FARS2: variants seen among roughly 807,000 people sequenced by gnomAD.
FARS2 encodes the protein phenylalanine--tRNA ligase, mitochondrial.
FARS2 carries 40 observed loss-of-function variants against 46.4 expected under a neutral mutation model. The observed-to-expected ratio is 0.86, with a 90% CI of 0.67 to 1.12. FARS2 has a LOEUF of 1.12. Among genes scored for constraint, FARS2 ranks in the 50% most tolerant of loss-of-function variants. The pLI is 0.00. For synonymous variants in FARS2, 234 were observed against 214.9 expected, an observed-to-expected ratio of 1.09 and a Z score of -0.78; for missense variants, 513 against 567.9, an observed-to-expected ratio of 0.90 and a Z score of 0.98.
intron 1 of FARS2, among the ~76,000 whole-genome samples, chr6:5,279,002 C>T (rs1054892074): frequency 1.3e-5 from 2 of 152,246 alleles, no homozygotes; most frequent in East Asian, 3.9e-4. Context: ...ATGTGTCTTG[C>T]AGATGCTTTG....
intron 2 of FARS2, among the ~76,000 whole-genome samples, chr6:5,384,487 A>G (rs1179078244): frequency 6.6e-6 from 1 of 152,258 alleles, no homozygotes; most frequent in African/African-American, 2.4e-5. Context: ...ATGGGATGGA[A>G]TCTGCTGCCC....
At chr6:5,583,728 A>G (rs1412431030) in intron 5 of FARS2, among the ~76,000 whole-genome samples, 2 of 152,206 alleles carry the variant, frequency 1.3e-5, no homozygotes, top group Non-Finnish European at 2.9e-5. Flanking sequence ...TAACAGGCCT[A>G]AGGCCACAGG....
upstream of FARS2, among the ~76,000 whole-genome samples, chr6:5,259,269 C>A (rs1214410608): frequency 6.6e-6 from 1 of 152,170 alleles, no homozygotes; most frequent in Non-Finnish European, 1.5e-5. Flanking sequence ...ATTTATTTAA[C>A]TTGCATATTT....
At chr6:5,523,476 G>A (rs1328126290) in intron 4 of FARS2, among the ~76,000 whole-genome samples, 2 of 149,798 alleles carry the variant, frequency 1.3e-5, no homozygotes, top group Non-Finnish European at 3.0e-5. Context: ...TTCCCCATTA[G>A]TGACTTTGGA....
intron 4 of FARS2, among the ~76,000 whole-genome samples, chr6:5,508,599 CA>C (rs1375008397): frequency 1.3e-5 from 2 of 152,192 alleles, no homozygotes; most frequent in Admixed American, 6.5e-5. Context: ...GGTGTACCCA[CA>C]GGGAGGGCAC....
At chr6:5,575,154 G>T (rs1772886967) in intron 5 of FARS2, among the ~76,000 whole-genome samples, 1 of 152,132 alleles carries the variant, frequency 6.6e-6, no homozygotes, top group Admixed American at 6.5e-5. Context: ...CACTATGCTT[G>T]GAAGTCATTT....
intron 6 of FARS2, among the ~76,000 whole-genome samples, chr6:5,711,031 G>A (rs892909628): frequency 1.3e-5 from 2 of 152,096 alleles, no homozygotes; most frequent in Non-Finnish European, 2.9e-5. Flanking sequence ...ACTGGGCCAG[G>A]AAATATATAA....
intron 4 of FARS2, among the ~76,000 whole-genome samples, chr6:5,540,361 T>C (rs945937030): frequency 6.6e-6 from 1 of 152,252 alleles, no homozygotes; most frequent in Non-Finnish European, 1.5e-5. Context: ...CCATTTCTCA[T>C]CTGTGAAACT....
chr6:5,729,118 A>G (rs1025807592), intron 6 of FARS2, among the ~76,000 whole-genome samples: 1 of 152,206 alleles, frequency 6.6e-6, no homozygotes, highest in Non-Finnish European at 1.5e-5. Context: ...TTAACTGAAA[A>G]GGGCACTTAA....
chr6:5,749,230 G>C (rs1198345898), intron 6 of FARS2, among the ~76,000 whole-genome samples: 5 of 152,252 alleles, frequency 3.3e-5, no homozygotes, highest in Non-Finnish European at 5.9e-5. Flanking sequence ...ACGCCAAAGG[G>C]CTGTGGGGCT....
chr6:5,596,209 T>A (rs1458208802), intron 5 of FARS2, among the ~76,000 whole-genome samples: 1 of 152,122 alleles, frequency 6.6e-6, no homozygotes, highest in East Asian at 1.9e-4. Context: ...GAGGAGATGC[T>A]TTGTTGGTGT....
intron 5 of FARS2, among the ~76,000 whole-genome samples, chr6:5,575,752 T>C (rs1772923512): frequency 6.6e-6 from 1 of 152,232 alleles, no homozygotes; most frequent in African/African-American, 2.4e-5. Flanking sequence ...AATCGTGACA[T>C]TTTTGAAGAT....
At chr6:5,380,097 T>G (rs1043661777) in intron 2 of FARS2, among the ~76,000 whole-genome samples, 4 of 152,214 alleles carry the variant, frequency 2.6e-5, no homozygotes, top group African/African-American at 9.7e-5. Flanking sequence ...TCAAATTTAA[T>G]ATTTCTGAAA....
At position 5,603,210 on chromosome 6, in the gene FARS2, C is replaced by T. The variant is rs114839452; in HGVS notation, c.1066-9959C>T. On this transcript the variant is annotated intron_variant, in intron 5 of 6. Transcript: ENST00000274680. ...TCCTGGGCTCAAATAATCTTCCAAC[C>T]TCAGCCTCCCAAGAAGCTGGGACTA... Among the ~76,000 whole-genome samples the T allele has an allele frequency of 6.3e-3, 963 of 152,296 alleles. 10 individuals are homozygous for T. Among genetic ancestry groups the T allele is most frequent in the Middle Eastern group, 0.02 (6 of 294 alleles).
intron 3 of FARS2, among the ~76,000 whole-genome samples, chr6:5,408,636 CAA>C (rs1241109350): frequency 6.6e-6 from 1 of 151,920 alleles, no homozygotes; most frequent in African/African-American, 2.4e-5. Context: ...AAGAATAAAA[CAA>C]GATAACGTGA....
chr6:5,493,209 CAAA>C (rs34541325), intron 4 of FARS2, among the ~76,000 whole-genome samples: 15,143 of 92,608 alleles, frequency 0.16, 907 homozygotes, highest in Non-Finnish European at 0.22. Flanking sequence ...GACTGTGTCT[CAAA>C]AAAAAAAAAA....
At chr6:5,448,561 T>G (rs1395935957) in intron 4 of FARS2, among the ~76,000 whole-genome samples, 1 of 152,136 alleles carries the variant, frequency 6.6e-6, no homozygotes, top group Non-Finnish European at 1.5e-5. Flanking sequence ...GGTATTGCAT[T>G]GTGTGTATGA....
chr6:5,610,530 A>T lies in FARS2; in HGVS notation c.1066-2639A>T, dbSNP rs531047749. On this transcript the variant is annotated intron_variant, in intron 5 of 6. Transcript: ENST00000274680. The stretch of plus-strand genomic sequence containing the variant: ...TAACATTTACATTGTATTAGGTATT[A>T]TGAGTAATCTAGATGTGCATAGGTT... 6.6e-5 allele frequency among the ~76,000 whole-genome samples: 10 copies of T among 152,304 alleles called. 1 individual carries two copies. Among genetic ancestry groups the T allele is most frequent in the Non-Finnish European group, 1.2e-4 (8 of 68,022 alleles).
chr6:5,349,144 A>G (rs1009318650), intron 1 of FARS2, among the ~76,000 whole-genome samples: 6 of 152,232 alleles, frequency 3.9e-5, no homozygotes, highest in African/African-American at 1.4e-4. Context: ...GTTTCAGGAT[A>G]TAAGATCAAC....
Sources: allele counts gnomAD v4.1 joint callset (sites outside exome capture counted in the v4.1 genomes callset), GRCh38; gene constraint gnomAD v4.1.1; transcripts MANE v1.5; gene names NCBI Gene and HGNC (gene_info 2026-07-23, HGNC 2026-07-21).